ZDHHC21: variants seen among roughly 807,000 people sequenced by gnomAD.
The protein encoded by ZDHHC21 is palmitoyltransferase ZDHHC21.
Under a neutral mutation model 34.6 loss-of-function variants are expected in ZDHHC21, and 15 were observed. That is an observed-to-expected ratio of 0.43 (90% CI 0.29 to 0.67). The LOEUF (loss-of-function observed/expected upper bound fraction) is 0.67, where lower values mean the gene tolerates loss of function less well. Among genes scored for constraint, ZDHHC21 ranks in the 30% least tolerant of loss-of-function variants. ZDHHC21 has a pLI of 0.14. For missense variants in ZDHHC21, 344 were observed against 327.7 expected, an observed-to-expected ratio of 1.05 and a Z score of -0.38; for synonymous variants, 142 against 101.8, an observed-to-expected ratio of 1.40 and a Z score of -2.38.
intron 1 of ZDHHC21, among the ~76,000 whole-genome samples, chr9:14,691,708 C>G (rs959282609): frequency 6.6e-6 from 1 of 152,128 alleles, no homozygotes; most frequent in Non-Finnish European, 1.5e-5. Flanking sequence ...ACAGAAATCT[C>G]AGTAGTGTCA....
At position 14,671,904 on chromosome 9, in the gene ZDHHC21, C is replaced by A. The variant is rs1416964039; in HGVS notation, c.253+926G>T. Among the ~76,000 whole-genome samples, 3 of 152,028 alleles carry A rather than the reference C, an allele frequency of 2.0e-5. No homozygotes were observed. The South Asian group carries it at 6.2e-4, about 32-fold the overall frequency. On this transcript the variant is annotated intron_variant, in intron 5 of 9. Transcript: ENST00000380916. ...AAAAATATTTCTAACTGAAGGTGTT[C>A]ATTTTGTTTTATTTCAAATACACAC...
rs568371831 is a variant in ZDHHC21, at chr9:14,667,412, A to G, written c.254-5086T>C. Among the ~76,000 whole-genome samples, 178 of 152,220 alleles carry G rather than the reference A, an allele frequency of 1.2e-3. 1 individual carries two copies. Among genetic ancestry groups the G allele is most frequent in the African/African-American group, 4.0e-3 (168 of 41,516 alleles). ...CCAGATGGATTCACAGCCAAATTCT[A>G]CCAGAGGTACAAGGAGGAACTGATA... On this transcript the variant is annotated intron_variant, in intron 5 of 9. Coordinates refer to ENST00000380916, the MANE Select transcript of ZDHHC21 (RefSeq NM_178566.6).
intron 4 of ZDHHC21, 124 bp from the exon 5 acceptor site, chr9:14,673,052 T>G: frequency 1.9e-6 from 1 of 539,164 alleles, no homozygotes; most frequent in Non-Finnish European, 3.1e-6. Flanking sequence ...TTTCAAAAGA[T>G]TAAAAAATAA....
chr9:14,619,126 G>A, intron 9 of ZDHHC21, 28 bp from the exon 10 acceptor site: 2 of 1,580,808 alleles, frequency 1.3e-6, no homozygotes, highest in Non-Finnish European at 1.7e-6. Context: ...ATTAGTGAAA[G>A]ACAGCACTCC....
At chr9:14,620,241 T>C (rs1028403056) in intron 8 of ZDHHC21, among the ~76,000 whole-genome samples, 3 of 151,920 alleles carry the variant, frequency 2.0e-5, no homozygotes, top group African/African-American at 7.2e-5. Flanking sequence ...TTTTTGATAA[T>C]ACAATTCCCT....
the ZDHHC21 span, among the ~76,000 whole-genome samples, chr9:14,600,319 A>G: frequency 2.0e-5 from 3 of 152,250 alleles, no homozygotes; most frequent in African/African-American, 7.2e-5. Flanking sequence ...CTCAGGATAC[A>G]AAATCAATGC....
At chr9:14,608,560 T>A (rs1160330014), downstream of ZDHHC21, among the ~76,000 whole-genome samples, 3 of 152,148 alleles carry the variant, frequency 2.0e-5, no homozygotes, top group African/African-American at 7.2e-5. Context: ...TGCTTTCTTG[T>A]TTGGAGAAGG....
At chr9:14,679,584 G>T (rs147350307) in intron 3 of ZDHHC21, among the ~76,000 whole-genome samples, 22 of 152,184 alleles carry the variant, frequency 1.4e-4, no homozygotes, top group Non-Finnish European at 2.6e-4. Context: ...AAATATTTAT[G>T]TGTTCTTCTA....
chr9:14,638,690 A>G (rs1185161101), intron 8 of ZDHHC21, among the ~76,000 whole-genome samples: 1 of 152,076 alleles, frequency 6.6e-6, no homozygotes, highest in African/African-American at 2.4e-5. Flanking sequence ...AAAAGGTACC[A>G]TTAAAAAGTG....
chr9:14,646,855 T>C, intron 7 of ZDHHC21, among the ~76,000 whole-genome samples: 1 of 152,180 alleles, frequency 6.6e-6, no homozygotes, highest in East Asian at 1.9e-4. Flanking sequence ...TATTTATTTG[T>C]TGTTTTGTCT....
At chr9:14,608,598 A>C (rs1823094446), downstream of ZDHHC21, among the ~76,000 whole-genome samples, 1 of 152,082 alleles carries the variant, frequency 6.6e-6, no homozygotes, top group Non-Finnish European at 1.5e-5. Context: ...CTAGTCATCC[A>C]GAGGACATAC....
chr9:14,686,136 T>C (rs565038489), intron 2 of ZDHHC21, among the ~76,000 whole-genome samples: 1 of 151,964 alleles, frequency 6.6e-6, no homozygotes, highest in South Asian at 2.1e-4. Context: ...CAAATCAACA[T>C]GGCACATGTA....
intron 5 of ZDHHC21, among the ~76,000 whole-genome samples, chr9:14,665,472 C>T (rs1170849074): frequency 2.7e-5 from 4 of 150,694 alleles, no homozygotes; most frequent in South Asian, 2.1e-4. Context: ...GGCAGGCCAA[C>T]GTTCAGATTC....
At chr9:14,590,896 A>G in the ZDHHC21 span, among the ~76,000 whole-genome samples, 3 of 152,158 alleles carry the variant, frequency 2.0e-5, no homozygotes, top group Non-Finnish European at 4.4e-5. Context: ...CTGACTGGCA[A>G]AAGAAAAGTA....
chr9:14,643,925 G>C (rs1587065479), intron 7 of ZDHHC21, among the ~76,000 whole-genome samples: 1 of 152,130 alleles, frequency 6.6e-6, no homozygotes, highest in Non-Finnish European at 1.5e-5. Flanking sequence ...CTCAATACCT[G>C]GTAGGCCATG....
intron 8 of ZDHHC21, among the ~76,000 whole-genome samples, chr9:14,639,188 T>G (rs917366842): frequency 6.6e-6 from 1 of 152,196 alleles, no homozygotes; most frequent in Admixed American, 6.5e-5. Context: ...ATAAAAAGAA[T>G]GAAATTCTGT....
At chr9:14,645,431 T>C (rs1830122363) in intron 7 of ZDHHC21, among the ~76,000 whole-genome samples, 1 of 152,064 alleles carries the variant, frequency 6.6e-6, no homozygotes, top group Non-Finnish European at 1.5e-5. Context: ...CTGACTTCTA[T>C]CTCATGAGAA....
At chr9:14,678,772 T>C (rs1305290717) in intron 3 of ZDHHC21, among the ~76,000 whole-genome samples, 1 of 152,108 alleles carries the variant, frequency 6.6e-6, no homozygotes, top group Non-Finnish European at 1.5e-5. Context: ...AATGTCCATG[T>C]AGAGAAAAGG....
intron 7 of ZDHHC21, among the ~76,000 whole-genome samples, chr9:14,645,458 C>T (rs1348092253): frequency 6.6e-6 from 1 of 151,932 alleles, no homozygotes; most frequent in African/African-American, 2.4e-5. Context: ...AATTCAATTC[C>T]AGGTAGAAAT....
Sources: gnomAD v4.1 joint callset for allele counts (sites outside exome capture counted in the v4.1 genomes callset) on GRCh38, gnomAD v4.1.1 for gene constraint, MANE v1.5 for transcripts, NCBI Gene and HGNC (gene_info 2026-07-23, HGNC 2026-07-21) for gene names.